Variants in POMGNT1 observed in about 807,000 individuals in gnomAD.
POMGNT1 encodes protein O-linked-mannose beta-1,2-N-acetylglucosaminyltransferase 1.
In POMGNT1, 67 loss-of-function variants were observed where a neutral mutation model predicts 95.6. The ratio of observed to expected loss-of-function variants is 0.70; its 90% CI spans 0.58 to 0.86. The LOEUF is 0.86. Among genes scored for constraint, POMGNT1 ranks in the 40% least tolerant of loss-of-function variants. The pLI is 0.00. For synonymous variants in POMGNT1, 298 were observed against 317.9 expected (o/e 0.94, Z 0.66); for missense variants, 719 against 855.2 (o/e 0.84, Z 1.99).
At chr1:46,189,720 T>C in intron 20 of POMGNT1, 134 bp downstream of exon 20, 2 of 1,549,452 alleles carry the variant, frequency 1.3e-6, no homozygotes, top group South Asian at 1.2e-5. Context: ...GACAAGGAGG[T>C]TGGAAGAGGT....
In POMGNT1 at chr1:46,190,813, C is replaced by T. The variant is rs775333411; in HGVS notation, c.1540-29G>A. The T allele has an allele frequency of 3.2e-6, 5 of 1,579,620 alleles. No individual in the cohort carries two copies. In the South Asian group the frequency reaches 5.5e-5, roughly 17 times the overall value. The stretch of plus-strand genomic sequence containing the variant: ...GAGTGGGTATGAGAGTGAAAATCAG[C>T]ACCTCACATTGTCTGGCCCACACCC... On this transcript the variant is annotated intron_variant, in intron 17 of 21. Transcript: ENST00000371984.
intron 10 of POMGNT1, 94 bp from the exon 11 acceptor site, chr1:46,193,733 C>A: frequency 4.4e-6 from 7 of 1,601,524 alleles, no homozygotes; most frequent in Non-Finnish European, 5.1e-6. Context: ...CTATGCTTAC[C>A]CACAGAGGTG....
chr1:46,198,776 C>T (rs1658441613), upstream of POMGNT1, among the ~76,000 whole-genome samples: 1 of 152,198 alleles, frequency 6.6e-6, no homozygotes, highest in Admixed American at 6.5e-5. Context: ...CACACACCAC[C>T]CGCCCCATAC....
At chr1:46,197,532 T>C (rs1658341627) in intron 2 of POMGNT1, 170 bp downstream of exon 2, 3 of 974,664 alleles carry the variant, frequency 3.1e-6, no homozygotes, top group Non-Finnish European at 3.7e-6. Flanking sequence ...TTCCAGAACT[T>C]TGGGTTCAAA....
At chr1:46,217,262 G>A (rs1659097794) in intron 1 of POMGNT1, among the ~76,000 whole-genome samples, 1 of 152,074 alleles carries the variant, frequency 6.6e-6, no homozygotes, top group African/African-American at 2.4e-5. Flanking sequence ...CTCAGAAGAT[G>A]GAATAGATAG....
At chr1:46,210,866 T>C (rs1469722029) in intron 1 of POMGNT1, among the ~76,000 whole-genome samples, 1 of 151,972 alleles carries the variant, frequency 6.6e-6, no homozygotes, top group Non-Finnish European at 1.5e-5. Context: ...CCTGTACTTC[T>C]CTGGCTCAAT....
At chr1:46,198,536 C>CGGCGGTGGCGGT (rs28364742), upstream of POMGNT1, 20 of 166,656 alleles carry the variant, frequency 1.2e-4, no homozygotes, top group African/African-American at 4.9e-4. Context: ...GCGGCGGCGG[C>CGGCGGTGGCGGT]GGCGGTGGCG....
upstream of POMGNT1, chr1:46,198,536 C>CGGCGGT (rs28364742): frequency 3.5e-4 from 59 of 167,136 alleles, no homozygotes; most frequent in East Asian, 8.8e-4. Context: ...GCGGCGGCGG[C>CGGCGGT]GGCGGTGGCG....
chr1:46,202,866 G>A (rs1245053360), upstream of POMGNT1, among the ~76,000 whole-genome samples: 1 of 133,668 alleles, frequency 7.5e-6, no homozygotes, highest in Non-Finnish European at 1.5e-5. Flanking sequence ...CTTCAGTACT[G>A]GTTGCCCTTT....
At chr1:46,197,156 G>A in intron 2 of POMGNT1, 72 bp from the exon 3 acceptor site, 2 of 1,611,004 alleles carry the variant, frequency 1.2e-6, no homozygotes, top group Non-Finnish European at 8.5e-7. Flanking sequence ...TGAAAGGAGG[G>A]CCCTGGCTGC....
At chr1:46,197,962 T>C in intron 1 of POMGNT1, 91 bp from the exon 2 acceptor site, 1 of 1,278,176 alleles carries the variant, frequency 7.8e-7, no homozygotes, top group Non-Finnish European at 1.1e-6. Flanking sequence ...CCAGCAACTC[T>C]TCCCTGCAAG....
chr1:46,199,976 C>T (rs1216885000), upstream of POMGNT1, among the ~76,000 whole-genome samples: 1 of 152,086 alleles, frequency 6.6e-6, no homozygotes, highest in Admixed American at 6.6e-5. Flanking sequence ...TTGAGACCAG[C>T]CTGCCCAACG....
chr1:46,220,217 G>T, exon 1 of POMGNT1: 1 of 1,603,738 alleles, frequency 6.2e-7, no homozygotes, highest in Non-Finnish European at 8.5e-7. Context: ...TGACCTTCTT[G>T]TAACAACTAT....
At chr1:46,220,260 C>T (rs1659200107) in exon 1 of POMGNT1, 2 of 1,543,904 alleles carry the variant, frequency 1.3e-6, no homozygotes, top group East Asian at 4.5e-5. Context: ...GCTCTTTTAT[C>T]CATTAGATGT....
chr1:46,200,946 C>T (rs1414989311), upstream of POMGNT1, among the ~76,000 whole-genome samples: 4 of 151,746 alleles, frequency 2.6e-5, no homozygotes, highest in Admixed American at 2.6e-4. Flanking sequence ...GCCTGGCCAA[C>T]ATGGTGAAAC....
In POMGNT1 at chr1:46,188,840, G is replaced by C. The variant is rs1441436106; in HGVS notation, c.*430C>G. On this transcript the variant is annotated 3_prime_UTR_variant, in exon 22 of 22. Transcript: ENST00000371984. ...CCCAGCTGGGCCTGTCCATGGGTTG[G>C]GCACAGCAGTTTCCTGAGTAAGAGC... is the stretch of plus-strand genomic sequence containing the variant. 1 of 1,612,756 alleles carries C rather than the reference G, an allele frequency of 6.2e-7. No individual in the cohort carries two copies.
At chr1:46,203,356 G>C, upstream of POMGNT1, 1 of 1,380,078 alleles carries the variant, frequency 7.2e-7, no homozygotes, top group Non-Finnish European at 9.6e-7. Context: ...CTTTAGCAGC[G>C]GCGAAGGGAG....
chr1:46,197,576 T>C (rs572032511), intron 2 of POMGNT1, 126 bp downstream of exon 2: 1 of 1,564,748 alleles, frequency 6.4e-7, no homozygotes, highest in Non-Finnish European at 8.8e-7. Flanking sequence ...CATAGAGGTC[T>C]CCCCTCTAGG....
upstream of POMGNT1, among the ~76,000 whole-genome samples, chr1:46,202,994 C>T (rs1398900059): frequency 1.4e-5 from 2 of 140,094 alleles, no homozygotes; most frequent in Non-Finnish European, 3.0e-5. Flanking sequence ...ATACCCAATT[C>T]CTCTGCTCCA....
Sources: gnomAD v4.1 joint callset for allele counts (sites outside exome capture counted in the v4.1 genomes callset) on GRCh38, gnomAD v4.1.1 for gene constraint, MANE v1.5 for transcripts, NCBI Gene and HGNC (gene_info 2026-07-23, HGNC 2026-07-21) for gene names.